The following RWDD1 variants were observed in gnomAD, a reference collection of about 807,000 sequenced individuals.
RWDD1 encodes RWD domain containing 1, also known as RWD domain-containing protein 1.
Under a neutral mutation model 31.6 loss-of-function variants are expected in RWDD1, and 17 were observed. The ratio of observed to expected loss-of-function variants is 0.54; its 90% CI spans 0.37 to 0.81. The LOEUF is 0.81. Among genes scored for constraint, RWDD1 ranks in the 30% least tolerant of loss-of-function variants. The probability of loss-of-function intolerance (pLI) is 0.00; values close to 1 mark genes in which losing one functional copy is unlikely to be tolerated. For missense variants in RWDD1, 204 were observed against 274.5 expected, an observed-to-expected ratio of 0.74 and a Z score of 1.82; for synonymous variants, 78 against 94.2, an observed-to-expected ratio of 0.83 and a Z score of 0.99.
chr6:116,581,427 G>T (rs1200504390), intron 2 of RWDD1, among the ~76,000 whole-genome samples: 1 of 151,998 alleles, frequency 6.6e-6, no homozygotes, highest in Non-Finnish European at 1.5e-5. Context: ...AAAATTTCTT[G>T]TGAGAGCTCC....
In RWDD1 at chr6:116,597,335, T is replaced by C. The variant is rs1775254708; in HGVS notation, c.*4234T>C. 6.6e-6 allele frequency: 1 copy of C among 152,208 alleles called. No individual in the cohort carries two copies. Among genetic ancestry groups the C allele is most frequent in the Non-Finnish European group, 1.5e-5 (1 of 68,024 alleles). 9.4% of individuals were successfully genotyped at this position (152,208 alleles called of 1,614,324 possible). On this transcript the variant is annotated 3_prime_UTR_variant, in exon 7 of 7. Transcript: ENST00000466444. ...TAATTGTTATATTTAGTTTTGTTCT[T>C]CCACCTTTTGGCTATTTCTACTACA...
chr6:116,575,727 A>C (rs1329078382), intron 1 of RWDD1, among the ~76,000 whole-genome samples: 1 of 152,220 alleles, frequency 6.6e-6, no homozygotes, highest in Admixed American at 6.5e-5. Context: ...TGGCAGCTCT[A>C]TTTCAAGAAT....
intron 2 of RWDD1, among the ~76,000 whole-genome samples, chr6:116,582,831 G>A (rs1022876059): frequency 1.3e-5 from 2 of 151,466 alleles, no homozygotes; most frequent in East Asian, 1.9e-4. Context: ...TGAGGGGCAT[G>A]TTAAATTGTT....
Position 116,590,383 on chromosome 6 carries a change from G to A in RWDD1, c.526G>A (p.Ala176Thr), listed in dbSNP as rs371807050. The A allele has an allele frequency of 4.6e-5, 73 of 1,593,998 alleles. No individual in the cohort carries two copies. In the East Asian group the frequency reaches 8.8e-4, roughly 19 times the overall value. Residue 176 changes from alanine to threonine, a missense_variant, in exon 5 of 7, where the codon GCA becomes ACA. Transcript: ENST00000466444. ...GAAAAGGATGAAAGAAGAAGAACAA[G>A]CAGGAAAAAATAAATTAAGTGGTAT... ...KKKRMKEEEQ[A>T]GKNKLSGKQL...
chr6:116,571,600 G>A lies in RWDD1; in HGVS notation c.18G>A (p.Glu6=), dbSNP rs913062345. ...GGGCCACGATGACAGATTACGGCGA[G>A]GAGCAGCGCAACGAGCTGGAGGCCC... MTDYG[E]EQRNELEALE... is the part of the protein sequence containing the mutation. The change falls in exon 1 of 7, where the codon GAG becomes GAA. Residue 6 remains glutamate, a synonymous_variant. Coordinates refer to ENST00000466444, the MANE Select transcript of RWDD1 (RefSeq NM_015952.4). The A allele has an allele frequency of 3.1e-6, 5 of 1,613,726 alleles. No homozygotes were observed. The highest frequency in any genetic ancestry group is 2.2e-5 in the South Asian group (2 of 91,068).
intron 2 of RWDD1, among the ~76,000 whole-genome samples, chr6:116,584,316 C>T (rs1187365401): frequency 6.6e-6 from 1 of 152,176 alleles, no homozygotes; most frequent in Non-Finnish European, 1.5e-5. Flanking sequence ...AATATAGATT[C>T]GAGGGCTATA....
At chr6:116,590,183 G>T (rs1449542086) in intron 4 of RWDD1, 89 bp from the exon 5 acceptor site, 2 of 634,476 alleles carry the variant, frequency 3.2e-6, no homozygotes. Flanking sequence ...TCTTATAAGG[G>T]GTTATATTGA....
chr6:116,575,099 T>A (rs1774815093), intron 1 of RWDD1, among the ~76,000 whole-genome samples: 1 of 152,020 alleles, frequency 6.6e-6, no homozygotes, highest in African/African-American at 2.4e-5. Context: ...AAAAAAATTT[T>A]TTTTTGAGAG....
At chr6:116,589,896 C>T (rs1307740535) in intron 4 of RWDD1, among the ~76,000 whole-genome samples, 3 of 152,172 alleles carry the variant, frequency 2.0e-5, no homozygotes, top group Non-Finnish European at 2.9e-5. Context: ...CCCCTGGGTC[C>T]CTCCTACAGC....
At chr6:116,577,088 T>C (rs1014376029) in intron 1 of RWDD1, among the ~76,000 whole-genome samples, 1 of 152,208 alleles carries the variant, frequency 6.6e-6, no homozygotes, top group African/African-American at 2.4e-5. Context: ...GTTACACATA[T>C]TTTTTAGTGT....
chr6:116,572,923 C>T, intron 1 of RWDD1: 1 of 985,256 alleles, frequency 1.0e-6, no homozygotes. Flanking sequence ...ACCAGCAGTA[C>T]ATCTGTGCTG....
At chr6:116,580,767 G>A (rs901525253) in intron 2 of RWDD1, among the ~76,000 whole-genome samples, 1 of 152,076 alleles carries the variant, frequency 6.6e-6, no homozygotes, top group East Asian at 1.9e-4. Flanking sequence ...TGGACATTTG[G>A]TGTTATAAAT....
chr6:116,572,922 A>C lies in RWDD1; in HGVS notation c.73+1267A>C, dbSNP rs939839681. ...GTTCATGTTCTCTCTCACCAGCAGT[A>C]CATCTGTGCTGTGAGGATGTTAAGG... On this transcript the variant is annotated intron_variant, in intron 1 of 6. Coordinates refer to ENST00000466444, the MANE Select transcript of RWDD1 (RefSeq NM_015952.4). 5.1e-6 allele frequency: 5 copies of C among 985,288 alleles called. No homozygotes were observed. In the African/African-American group the frequency reaches 8.7e-5, roughly 17 times the overall value. The allele number at this position is 985,288 out of a possible 1,614,324, so 61.0% of individuals were successfully genotyped here.
intron 1 of RWDD1, among the ~76,000 whole-genome samples, chr6:116,578,280 GT>G (rs1236417506): frequency 6.6e-6 from 1 of 152,074 alleles, no homozygotes; most frequent in Admixed American, 6.6e-5. Flanking sequence ...TTACATGTCG[GT>G]TTAGTTGGCA....
chr6:116,592,324 G>C (rs1191366928), intron 6 of RWDD1, among the ~76,000 whole-genome samples: 1 of 151,950 alleles, frequency 6.6e-6, no homozygotes, highest in Non-Finnish European at 1.5e-5. Flanking sequence ...CTTCTTGGTG[G>C]ATTCAAATTT....
At chr6:116,579,545 T>G (rs958854092) in intron 1 of RWDD1, among the ~76,000 whole-genome samples, 2 of 152,220 alleles carry the variant, frequency 1.3e-5, no homozygotes, top group South Asian at 4.1e-4. Flanking sequence ...ATCTAGGAGC[T>G]CTCATAGAGT....
chr6:116,591,367 C>A (rs1432949024), intron 6 of RWDD1, among the ~76,000 whole-genome samples: 1 of 152,206 alleles, frequency 6.6e-6, no homozygotes, highest in African/African-American at 2.4e-5. Context: ...CCTCTCACAA[C>A]TAGTAAACCA....
At position 116,595,804 on chromosome 6, in the gene RWDD1, C is replaced by G. The variant is rs962894294; in HGVS notation, c.*2703C>G. On this transcript the variant is annotated 3_prime_UTR_variant, in exon 7 of 7. Transcript: ENST00000466444. Reference sequence around the variant, plus strand: ...ACAACTTGGAATAATGTTCCTTGATCCTGCTTTACTTCATGCACTTTTGCC... The same window carrying G: ...ACAACTTGGAATAATGTTCCTTGATGCTGCTTTACTTCATGCACTTTTGCC... 12 of 152,154 alleles carry G rather than the reference C, an allele frequency of 7.9e-5. No individual in the cohort carries two copies. Among genetic ancestry groups the G allele is most frequent in the Non-Finnish European group, 1.5e-4 (10 of 68,018 alleles). The allele number at this position is 152,154 out of a possible 1,614,324, so 9.4% of individuals were successfully genotyped here.
rs987511436 is a variant in RWDD1 at position 116,587,914 on chromosome 6, G to T, written c.271-928G>T. On this transcript the variant is annotated intron_variant, in intron 3 of 6. Coordinates refer to ENST00000466444, the MANE Select transcript of RWDD1 (RefSeq NM_015952.4). The stretch of plus-strand genomic sequence containing the variant: ...TGATGGGATGGGGATGTTCAGGCTG[G>T]GTGGGTGGTGGTGTGATTTGTGGAG... Among the ~76,000 whole-genome samples the T allele has an allele frequency of 2.4e-4, 36 of 152,054 alleles. 1 individual carries two copies. The highest frequency in any genetic ancestry group is 2.9e-5 in the Non-Finnish European group (2 of 67,994).
Sources: allele counts gnomAD v4.1 joint callset (sites outside exome capture counted in the v4.1 genomes callset), GRCh38; gene constraint gnomAD v4.1.1; transcripts MANE v1.5; gene names NCBI Gene and HGNC (gene_info 2026-07-23, HGNC 2026-07-21).